Variants in GRM7 observed in about 807,000 individuals in gnomAD.
GRM7 encodes metabotropic glutamate receptor 7.
GRM7 carries 35 observed loss-of-function variants against 84.5 expected under a neutral mutation model. The ratio of observed to expected loss-of-function variants is 0.41; its 90% confidence interval spans 0.32 to 0.55. The LOEUF (loss-of-function observed/expected upper bound fraction) is 0.55, where lower values mean the gene tolerates loss of function less well. GRM7 is among the 20% of genes least tolerant of loss of function. The pLI is 0.19. For missense variants in GRM7, 1,003 were observed against 1,194.6 expected, an observed-to-expected ratio of 0.84 and a Z score of 2.36; for synonymous variants, 487 against 455.1, an observed-to-expected ratio of 1.07 and a Z score of -0.89.
intron 8 of GRM7, among the ~76,000 whole-genome samples, chr3:7,613,843 C>T (rs1696956179): frequency 6.6e-6 from 1 of 152,138 alleles, no homozygotes; most frequent in Admixed American, 6.6e-5. Context: ...TATAGGGAAA[C>T]TCTGCGAAAA....
chr3:7,454,090 A>ACT (rs58338960), intron 6 of GRM7, among the ~76,000 whole-genome samples: 3,082 of 140,106 alleles, frequency 0.022, 55 homozygotes, highest in South Asian at 0.04. Flanking sequence ...CTACACACAC[A>ACT]CTCTCTCTCT....
chr3:7,024,954 A>G (rs1695922954), intron 1 of GRM7, among the ~76,000 whole-genome samples: 1 of 152,226 alleles, frequency 6.6e-6, no homozygotes, highest in Admixed American at 6.5e-5. Flanking sequence ...AATGGGTCTC[A>G]TAGTGCTAAA....
At chr3:7,165,927 C>T (rs1694784193) in intron 2 of GRM7, among the ~76,000 whole-genome samples, 1 of 152,134 alleles carries the variant, frequency 6.6e-6, no homozygotes, top group African/African-American at 2.4e-5. Context: ...TTTCAAGTAG[C>T]TTTAAATTCT....
At chr3:6,916,362 T>C (rs1268163192) in intron 1 of GRM7, among the ~76,000 whole-genome samples, 1 of 152,154 alleles carries the variant, frequency 6.6e-6, no homozygotes, top group Non-Finnish European at 1.5e-5. Flanking sequence ...TATCAGGAGT[T>C]CCAAGAAAGA....
intron 8 of GRM7, among the ~76,000 whole-genome samples, chr3:7,602,663 A>T (rs1263916627): frequency 2.6e-5 from 4 of 152,134 alleles, no homozygotes; most frequent in Non-Finnish European, 5.9e-5. Flanking sequence ...CTTTATGAAG[A>T]TGTGATTGTA....
chr3:7,640,492 C>A (rs984974474), intron 8 of GRM7, among the ~76,000 whole-genome samples: 22 of 152,110 alleles, frequency 1.4e-4, no homozygotes, highest in African/African-American at 5.1e-4. Context: ...AAATTTTAAA[C>A]TAAAATGTCA....
At chr3:7,613,235 TA>T (rs1293892689) in intron 8 of GRM7, among the ~76,000 whole-genome samples, 1 of 152,188 alleles carries the variant, frequency 6.6e-6, no homozygotes, top group Non-Finnish European at 1.5e-5. Context: ...AACATATAAA[TA>T]GTGAAAGTGT....
rs79622024 is a variant in GRM7 at position 7,709,045 on chromosome 3, C to A, written c.2698+28750C>A. Among the ~76,000 whole-genome samples the A allele has an allele frequency of 5.4e-3, 814 of 151,980 alleles. 13 individuals are homozygous for A. Among genetic ancestry groups the A allele is most frequent in the South Asian group, 0.044 (214 of 4,814 alleles). Reference sequence around the variant, plus strand: ...TTTATCTCCTACCACTTCCTTCCACCACCTCTGTAGTCAAAGTCAACATCC... The same window carrying A: ...TTTATCTCCTACCACTTCCTTCCACAACCTCTGTAGTCAAAGTCAACATCC... On this transcript the variant is annotated intron_variant, in intron 9 of 9. Coordinates refer to ENST00000357716, the MANE Select transcript of GRM7 (RefSeq NM_000844.4).
intron 1 of GRM7, among the ~76,000 whole-genome samples, chr3:6,995,820 C>T (rs1408163406): frequency 1.3e-5 from 2 of 152,024 alleles, no homozygotes; most frequent in Non-Finnish European, 2.9e-5. Flanking sequence ...AAGCAAGGGA[C>T]CATGGGAAGA....
chr3:7,310,942 A>T (rs1391454489), intron 4 of GRM7, among the ~76,000 whole-genome samples: 1 of 151,980 alleles, frequency 6.6e-6, no homozygotes, highest in Non-Finnish European at 1.5e-5. Context: ...CTACCCTTCC[A>T]TACTTTCCTT....
At chr3:7,428,725 C>A (rs1696710088) in intron 5 of GRM7, among the ~76,000 whole-genome samples, 1 of 152,118 alleles carries the variant, frequency 6.6e-6, no homozygotes, top group Non-Finnish European at 1.5e-5. Flanking sequence ...ACTTACAATG[C>A]TAGCACAGGC....
At chr3:7,287,259 G>C (rs766122404) in intron 2 of GRM7, among the ~76,000 whole-genome samples, 2 of 152,100 alleles carry the variant, frequency 1.3e-5, no homozygotes, top group Non-Finnish European at 2.9e-5. Flanking sequence ...CTTAAGCTTG[G>C]TAGCCCCTTT....
chr3:7,581,855 C>G (rs1695270338), intron 8 of GRM7, among the ~76,000 whole-genome samples: 1 of 141,696 alleles, frequency 7.1e-6, no homozygotes, highest in African/African-American at 2.5e-5. Flanking sequence ...GTGTTCTTTT[C>G]CTTATTTTTT....
At chr3:7,619,765 T>C (rs562609287) in intron 8 of GRM7, among the ~76,000 whole-genome samples, 6 of 152,198 alleles carry the variant, frequency 3.9e-5, no homozygotes, top group African/African-American at 1.2e-4. Context: ...GATAAAGAAG[T>C]TGGGACAAGG....
chr3:7,359,023 A>G (rs560225296), intron 4 of GRM7, among the ~76,000 whole-genome samples: 18 of 151,382 alleles, frequency 1.2e-4, no homozygotes, highest in Non-Finnish European at 1.6e-4. Context: ...GGAAGCTGAG[A>G]CAGGAGGATC....
rs142532496 is a variant in GRM7 at position 7,148,096 on chromosome 3, A to G, written c.736+1428A>G. 3.2e-3 allele frequency among the ~76,000 whole-genome samples: 488 copies of G among 152,320 alleles called. 3 individuals carry two copies. Among genetic ancestry groups the G allele is most frequent in the African/African-American group, 0.011 (457 of 41,586 alleles). On this transcript the variant is annotated intron_variant, in intron 2 of 9. Transcript: ENST00000357716. ...TTCAGTTAGAAACTTTCTGATTAGGAAAGAAATCTTAACTCTGGCCTTGTG... is the reference window on the plus strand; with the variant it reads ...TTCAGTTAGAAACTTTCTGATTAGGGAAGAAATCTTAACTCTGGCCTTGTG...
At chr3:7,187,565 G>A (rs376701787) in intron 2 of GRM7, among the ~76,000 whole-genome samples, 1 of 152,194 alleles carries the variant, frequency 6.6e-6, no homozygotes, top group East Asian at 1.9e-4. Context: ...AGTGTTACAG[G>A]TCTGATGGCG....
chr3:7,091,211 C>CAAA (rs36113765), intron 1 of GRM7, among the ~76,000 whole-genome samples: 28 of 137,182 alleles, frequency 2.0e-4, no homozygotes, highest in East Asian at 6.3e-4. Flanking sequence ...AGTGAAGTAC[C>CAAA]AAAAAAAAAA....
chr3:7,289,493 C>T lies in GRM7; in HGVS notation c.737-9191C>T, dbSNP rs572985673. Among the ~76,000 whole-genome samples, 18 of 152,260 alleles carry T rather than the reference C, an allele frequency of 1.2e-4. 1 individual carries two copies. The South Asian group carries it at 3.7e-3, about 32-fold the overall frequency. ...GAACTAGAAATACCATTTGACCCAG[C>T]CATCCCATTACTGGGTATATACCCA... On this transcript the variant is annotated intron_variant, in intron 2 of 9. Coordinates refer to ENST00000357716, the MANE Select transcript of GRM7 (RefSeq NM_000844.4).
Sources: gnomAD v4.1 joint callset for allele counts (sites outside exome capture counted in the v4.1 genomes callset) on GRCh38, gnomAD v4.1.1 for gene constraint, MANE v1.5 for transcripts, NCBI Gene and HGNC (gene_info 2026-07-23, HGNC 2026-07-21) for gene names.